PADI2: variants seen among roughly 807,000 people sequenced by gnomAD.
PADI2 encodes the protein peptidyl arginine deiminase 2.
A neutral mutation model predicts 81.1 loss-of-function variants in PADI2; 70 were observed. That is an observed-to-expected ratio of 0.86 (90% confidence interval 0.71 to 1.05). The LOEUF is 1.05. Ranked by LOEUF, PADI2 falls within the 50% of genes least tolerant of loss-of-function variation. The pLI, the probability that PADI2 is intolerant of heterozygous loss-of-function variation, is 0.00. For synonymous variants in PADI2, 338 were observed against 358.0 expected (o/e 0.94, Z 0.63); for missense variants, 853 against 889.9 (o/e 0.96, Z 0.53).
At chr1:17,099,586 G>A (rs1182628292) in intron 3 of PADI2, among the ~76,000 whole-genome samples, 1 of 152,134 alleles carries the variant, frequency 6.6e-6, no homozygotes, top group Non-Finnish European at 1.5e-5. Context: ...GCGGGATTGG[G>A]ACAAAGACCC....
At chr1:17,118,985 G>A (rs1338629300) in intron 1 of PADI2, among the ~76,000 whole-genome samples, 2 of 152,134 alleles carry the variant, frequency 1.3e-5, no homozygotes, top group East Asian at 3.9e-4. Flanking sequence ...TCCCCCGGGA[G>A]GAGAACTGGA....
intron 13 of PADI2, among the ~76,000 whole-genome samples, chr1:17,072,268 A>AC (rs1220188709): frequency 6.6e-6 from 1 of 152,160 alleles, no homozygotes; most frequent in East Asian, 1.9e-4. Context: ...GGTCCATTGC[A>AC]CTTCCCAGGT....
rs1165815665 is a variant in PADI2 at position 17,066,878 on chromosome 1, C to T, written c.*2166G>A. 2.6e-5 allele frequency: 4 copies of T among 152,232 alleles called. No individual in the cohort carries two copies. The East Asian group carries it at 7.7e-4, about 29-fold the overall frequency. 9.4% of individuals were successfully genotyped at this position (152,232 alleles called of 1,614,324 possible). ...TTTGAAACTGTGTTCTTCTTGCCAT[C>T]TTCACGACATCCCCTGCCCTCTTAC... On this transcript the variant is annotated 3_prime_UTR_variant, in exon 16 of 16. Coordinates refer to ENST00000375486, the MANE Select transcript of PADI2 (RefSeq NM_007365.3).
intron 8 of PADI2, among the ~76,000 whole-genome samples, chr1:17,084,256 G>C (rs575933035): frequency 6.6e-6 from 1 of 152,282 alleles, no homozygotes; most frequent in East Asian, 1.9e-4. Context: ...GCTCATAATA[G>C]GTGGTCAATA....
intron 1 of PADI2, among the ~76,000 whole-genome samples, chr1:17,110,381 G>A (rs577039708): frequency 6.6e-6 from 1 of 152,274 alleles, no homozygotes; most frequent in African/African-American, 2.4e-5. Flanking sequence ...CCAGAACCCA[G>A]GACATGGATA....
chr1:17,109,098 G>A (rs929274119), intron 1 of PADI2, among the ~76,000 whole-genome samples: 24 of 152,084 alleles, frequency 1.6e-4, no homozygotes, highest in African/African-American at 5.1e-4. Context: ...TGGAAAGCTG[G>A]GGATGGCTGG....
intron 3 of PADI2, among the ~76,000 whole-genome samples, chr1:17,097,185 C>T (rs1452243183): frequency 6.6e-6 from 1 of 152,168 alleles, no homozygotes; most frequent in Non-Finnish European, 1.5e-5. Flanking sequence ...CTGGTGGGCG[C>T]TGGGTGGTAA....
chr1:17,075,586 A>C (rs1172280110), intron 12 of PADI2, 93 bp downstream of exon 12: 5 of 1,156,856 alleles, frequency 4.3e-6, no homozygotes, highest in Non-Finnish European at 6.1e-6. Context: ...TATGCTGTCG[A>C]GTTCCTCTAG....
At chr1:17,074,569 G>A (rs536221327) in intron 13 of PADI2, among the ~76,000 whole-genome samples, 1 of 152,210 alleles carries the variant, frequency 6.6e-6, no homozygotes, top group Admixed American at 6.5e-5. Context: ...CCCTCCACTG[G>A]GTCTGGTGCC....
At chr1:17,105,138 C>T in intron 1 of PADI2, 77 bp from the exon 2 acceptor site, 1 of 1,060,936 alleles carries the variant, frequency 9.4e-7, no homozygotes, top group Non-Finnish European at 1.3e-6. Context: ...GAGACTCCTG[C>T]TTCCAGCACT....
intron 7 of PADI2, among the ~76,000 whole-genome samples, chr1:17,085,200 T>C (rs1430552961): frequency 6.6e-6 from 1 of 152,244 alleles, no homozygotes; most frequent in African/African-American, 2.4e-5. Context: ...TCAGTTTTGC[T>C]ATGTCCAGAC....
chr1:17,086,836 C>T (rs1930481827), intron 6 of PADI2, 137 bp from the exon 7 acceptor site: 1 of 682,934 alleles, frequency 1.5e-6, no homozygotes, highest in East Asian at 2.7e-5. Flanking sequence ...AAAATGCCAC[C>T]AGAATGGCCA....
intron 1 of PADI2, among the ~76,000 whole-genome samples, chr1:17,107,148 G>GGGATTTTCTCA (rs1931409775): frequency 6.6e-6 from 1 of 152,108 alleles, no homozygotes; most frequent in African/African-American, 2.4e-5. Context: ...TGGGATTCTC[G>GGGATTTTCTCA]TGGGATTTGT....
Position 17,083,728 on chromosome 1 carries a change from G to A in PADI2, c.1048C>T (p.Gln350Ter). 6.2e-7 allele frequency: 1 copy of A among 1,605,132 alleles called. No homozygotes were observed. The highest frequency in any genetic ancestry group is 8.5e-7 in the Non-Finnish European group (1 of 1,171,814). Residue 350 changes from glutamine (Q) to a stop codon, truncating the protein, a stop_gained and splice_region_variant, in exon 9 of 16, where the codon CAG becomes TAG. Coordinates refer to ENST00000375486, the MANE Select transcript of PADI2 (RefSeq NM_007365.3). LOFTEE classifies it high-confidence loss of function. Reference sequence around the variant, plus strand: ...CAGCCTGGACCTGGGCTCCTTACCTGGATCCAGCGATCGCCTCGGTTTAGG... The same window carrying A: ...CAGCCTGGACCTGGGCTCCTTACCTAGATCCAGCGATCGCCTCGGTTTAGG... ...QYLNRGDRWI[Q>*]DEIEFGYIEA...
chr1:17,086,696 G>A lies in PADI2; in HGVS notation c.659C>T (p.Pro220Leu), dbSNP rs778586044. ...DKVGVFYVEN[P>L]FFGQRYIHIL... ...GTGGATATAGCGTTGGCCGAAGAAC[G>A]GGTCTGGAGGGAAAAGGACCAACGT... Residue 220 changes from proline (P) to leucine (L), a missense_variant, in exon 7 of 16, where the codon CCG becomes CTG. Coordinates refer to ENST00000375486, the MANE Select transcript of PADI2 (RefSeq NM_007365.3). 18 of 1,612,874 alleles carry A rather than the reference G, an allele frequency of 1.1e-5. No homozygotes were observed. In the East Asian group the frequency reaches 3.1e-4, roughly 28 times the overall value.
intron 3 of PADI2, among the ~76,000 whole-genome samples, 183 bp from the exon 4 acceptor site, chr1:17,096,153 G>A (rs776519181): frequency 1.3e-5 from 2 of 152,216 alleles, no homozygotes; most frequent in African/African-American, 4.8e-5. Flanking sequence ...ACTGGAGACC[G>A]TCAGCAGACA....
At chr1:17,101,253 G>T (rs1268797884) in intron 3 of PADI2, among the ~76,000 whole-genome samples, 2 of 152,300 alleles carry the variant, frequency 1.3e-5, no homozygotes, top group Non-Finnish European at 2.9e-5. Flanking sequence ...GAAAAGTCCA[G>T]TCCTGCCTCC....
intron 3 of PADI2, among the ~76,000 whole-genome samples, chr1:17,102,170 G>T (rs1424260563): frequency 2.0e-5 from 3 of 152,224 alleles, no homozygotes; most frequent in African/African-American, 2.4e-5. Flanking sequence ...TTAAACCAAG[G>T]TTGGATGAAC....
At chr1:17,070,301 C>G (rs2078256459) in intron 14 of PADI2, 85 bp from the exon 15 acceptor site, 7 of 1,562,396 alleles carry the variant, frequency 4.5e-6, no homozygotes, top group Admixed American at 3.5e-5. Context: ...TCTGCAGCAC[C>G]AGGCCAGGGG....
Sources: gnomAD v4.1 joint callset for allele counts (sites outside exome capture counted in the v4.1 genomes callset) on GRCh38, gnomAD v4.1.1 for gene constraint, MANE v1.5 for transcripts, NCBI Gene and HGNC (gene_info 2026-07-23, HGNC 2026-07-21) for gene names.